The following SMC1A variants were observed in gnomAD, a reference collection of about 807,000 sequenced individuals.
SMC1A encodes structural maintenance of chromosomes 1A, also known as structural maintenance of chromosomes protein 1A.
SMC1A carries 4 observed loss-of-function variants against 94.5 expected under a neutral mutation model. The observed-to-expected ratio is 0.04, with a 90% CI of 0.02 to 0.10. The LOEUF is 0.10. Among genes scored for constraint, SMC1A ranks in the 10% least tolerant of loss-of-function variants. The pLI is 1.00. For missense variants in SMC1A, 304 were observed against 989.0 expected (o/e 0.31, Z 9.29); for synonymous variants, 345 against 347.7 (o/e 0.99, Z 0.09).
chrX:53,396,603 G>A lies in SMC1A; in HGVS notation c.2577C>T (p.His859=). ...IEKLKKEEQR[H]MKIIDETMAQ... is the part of the protein sequence containing the mutation. ...CCATGGTCTCATCTATGATCTTCAT[G>A]TGTCTTTGTTCCTCCTGGTCCCAGC... Residue 859 remains histidine (H), a synonymous_variant, in exon 17 of 25, where the codon CAC becomes CAT. Transcript: ENST00000322213. 8.3e-7 allele frequency: 1 copy of A among 1,208,891 alleles called. No individual in the cohort carries two copies. The highest frequency in any genetic ancestry group is 1.1e-6 in the Non-Finnish European group (1 of 895,066).
In SMC1A at chrX:53,410,926, CA is replaced by C. The variant is rs56669032; in HGVS notation, c.1254+834del. ...TGGGCAACAGAGTGAGGCTTTGTCT[CA>C]AAAAAAAAAAAAAAAAAAGTAGCCA... On this transcript the variant is annotated intron_variant, in intron 7 of 24. Transcript: ENST00000322213. Among the ~76,000 whole-genome samples the C allele has an allele frequency of 4.5e-4, 13 of 28,814 alleles. 3 individuals carry two copies. Among genetic ancestry groups the C allele is most frequent in the East Asian group, 4.1e-3 (3 of 732 alleles). 25.0% of individuals were successfully genotyped at this position (28,814 alleles called of 115,157 possible).
chrX:53,395,428 C>G (rs2075647323), intron 18 of SMC1A, among the ~76,000 whole-genome samples: 1 of 112,370 alleles, frequency 8.9e-6, no homozygotes, highest in Admixed American at 9.5e-5. Context: ...ATTCTCAGAT[C>G]CTGAGTCTCT....
intron 1 of SMC1A, among the ~76,000 whole-genome samples, chrX:53,419,548 A>G (rs2075746154): frequency 9.3e-6 from 1 of 108,096 alleles, no homozygotes; most frequent in Non-Finnish European, 1.9e-5. Flanking sequence ...AAAATAGGCC[A>G]GGCGCGGTGG....
Position 53,403,818 on chromosome X carries a change from G to T in SMC1A, c.2272C>A (p.Arg758=). 8.3e-7 allele frequency: 1 copy of T among 1,209,981 alleles called. No homozygotes were observed. Among genetic ancestry groups the T allele is most frequent in the Non-Finnish European group, 1.1e-6 (1 of 894,438 alleles). ...TTCAAGTCTTTCATTTCCCTCTCTC[G>T]GCTCTGAATGATCCTCTTGATATCA... ...INDIKRIIQS[R]EREMKDLKEK... Residue 758 remains arginine (R), a synonymous_variant, in exon 14 of 25, where the codon CGA becomes AGA. Coordinates refer to ENST00000322213, the MANE Select transcript of SMC1A (RefSeq NM_006306.4).
chrX:53,416,670 A>G lies in SMC1A; in HGVS notation c.110-1501T>C, dbSNP rs782410943. On this transcript the variant is annotated intron_variant, in intron 1 of 24. Transcript: ENST00000322213. Reference sequence around the variant, plus strand: ...CTCCCAAAGTGCTGGGATTACAGGCATGAGCCACCACGCCTGGCCTGGGAG... The same window carrying G: ...CTCCCAAAGTGCTGGGATTACAGGCGTGAGCCACCACGCCTGGCCTGGGAG... 4.0e-4 allele frequency among the ~76,000 whole-genome samples: 44 copies of G among 111,005 alleles called. No individual in the cohort carries two copies. The East Asian group carries it at 0.012, about 31-fold the overall frequency.
chrX:53,394,152 CAAAAAAA>C (rs55878070), intron 19 of SMC1A, among the ~76,000 whole-genome samples: 2 of 42,758 alleles, frequency 4.7e-5, no homozygotes, highest in East Asian at 1.5e-3. Flanking sequence ...AACTCCGTCT[CAAAAAAA>C]AAAAAAAAAA....
intron 19 of SMC1A, among the ~76,000 whole-genome samples, chrX:53,391,096 A>C (rs2146589808): frequency 9.3e-6 from 1 of 107,230 alleles, no homozygotes; most frequent in South Asian, 4.2e-4. Flanking sequence ...GGGGGATCAC[A>C]TGAGGTCAGG....
At position 53,379,878 on chromosome X, in the gene SMC1A, C is replaced by T; in HGVS notation, c.*225G>A. ...GTGATGAACAGATGGCCCTGTTCAGCTCAGCACCTCCTTTCAGAGGCCAGA... is the reference window on the plus strand; with the variant it reads ...GTGATGAACAGATGGCCCTGTTCAGTTCAGCACCTCCTTTCAGAGGCCAGA... On this transcript the variant is annotated 3_prime_UTR_variant, in exon 25 of 25. Coordinates refer to ENST00000322213, the MANE Select transcript of SMC1A (RefSeq NM_006306.4). The T allele has an allele frequency of 2.3e-6, 1 of 443,920 alleles. No individual in the cohort carries two copies. Among genetic ancestry groups the T allele is most frequent in the South Asian group, 3.3e-5 (1 of 30,609 alleles). 36.6% of individuals were successfully genotyped at this position (443,920 alleles called of 1,213,427 possible). A position where few individuals can be genotyped will look rare whatever the true frequency, so the allele number is the denominator to read the frequency against.
rs2075557556 is a variant in SMC1A, at chrX:53,375,669, G to A, written c.*4434C>T. ...GCAGTGAGAGACCACACAGCACACA[G>A]AATGTCTAACTAACTTGAGGAATTC... On this transcript the variant is annotated 3_prime_UTR_variant, in exon 25 of 25. Transcript: ENST00000322213. 9.0e-6 allele frequency: 1 copy of A among 111,389 alleles called. No homozygotes were observed. Among genetic ancestry groups the A allele is most frequent in the Non-Finnish European group, 1.9e-5 (1 of 53,064 alleles). The allele number at this position is 111,389 out of a possible 1,213,427, so 9.2% of individuals were successfully genotyped here. A position where few individuals can be genotyped will look rare whatever the true frequency, so the allele number is the denominator to read the frequency against.
intron 1 of SMC1A, among the ~76,000 whole-genome samples, chrX:53,415,827 TC>T (rs1244841652): frequency 3.2e-4 from 3 of 9,277 alleles, no homozygotes; most frequent in Non-Finnish European, 1.2e-3. Context: ...AACAAGACTC[TC>T]TTTAAAAAAA....
intron 19 of SMC1A, among the ~76,000 whole-genome samples, chrX:53,389,777 A>G (rs2075620037): frequency 9.1e-6 from 1 of 110,151 alleles, no homozygotes; most frequent in Admixed American, 9.7e-5. Context: ...TATTTTTAAG[A>G]ATTCCTATCT....
At chrX:53,410,196 TTAA>T (rs1475389746) in intron 7 of SMC1A, among the ~76,000 whole-genome samples, 1 of 111,536 alleles carries the variant, frequency 9.0e-6, no homozygotes, top group African/African-American at 3.3e-5. Flanking sequence ...GTTCTGATAC[TTAA>T]TAGTTATGTG....
At chrX:53,415,204 T>C (rs1556891117) in intron 1 of SMC1A, 35 bp from the exon 2 acceptor site, 1 of 1,127,887 alleles carries the variant, frequency 8.9e-7, no homozygotes, top group African/African-American at 1.8e-5. Flanking sequence ...AGAGGGAAAG[T>C]CAGGATGAAG....
chrX:53,422,342 G>A, intron 1 of SMC1A, 150 bp downstream of exon 1: 1 of 487,180 alleles, frequency 2.1e-6, no homozygotes, highest in Non-Finnish European at 3.6e-6. Flanking sequence ...CGCGGGGAGA[G>A]TGGGTTCGAG....
intron 1 of SMC1A, among the ~76,000 whole-genome samples, chrX:53,419,988 TCTTACTTTCA>T (rs1653824568): frequency 9.1e-6 from 1 of 110,443 alleles, no homozygotes; most frequent in Non-Finnish European, 1.9e-5. Flanking sequence ...CAGGTTCTAA[TCTTACTTTCA>T]CTACCACTTA....
At position 53,374,394 on chromosome X, in the gene SMC1A, CTTCT is replaced by C. The variant is rs1478930570; in HGVS notation, c.*5705_*5708del. The C allele has an allele frequency of 1.8e-5, 2 of 111,898 alleles. No homozygotes were observed. The highest frequency in any genetic ancestry group is 3.3e-5 in the African/African-American group (1 of 30,697). 9.2% of individuals were successfully genotyped at this position (111,898 alleles called of 1,213,427 possible). A position where few individuals can be genotyped will look rare whatever the true frequency, so the allele number is the denominator to read the frequency against. On this transcript the variant is annotated 3_prime_UTR_variant, in exon 25 of 25. Transcript: ENST00000322213. Reference sequence around the variant, plus strand: ...TACTCCTCCTACTGCTACTGACTAACTTCTTTCTGCCCCCCTCGATGCTAGCCCA... The same window carrying C: ...TACTCCTCCTACTGCTACTGACTAACTTCTGCCCCCCTCGATGCTAGCCCA...
intron 19 of SMC1A, among the ~76,000 whole-genome samples, chrX:53,394,138 G>C (rs1462936652): frequency 1.2e-5 from 1 of 80,741 alleles, no homozygotes; most frequent in African/African-American, 5.2e-5. Flanking sequence ...GGCAACAAGA[G>C]TGAAACTCCG....
chrX:53,394,987 T>C, intron 18 of SMC1A, 99 bp from the exon 19 acceptor site: 1 of 548,564 alleles, frequency 1.8e-6, no homozygotes, highest in South Asian at 2.4e-5. Flanking sequence ...GAAAGCACCT[T>C]GCTAGAAAGC....
Position 53,399,641 on chromosome X carries a change from A to G in SMC1A, c.2510T>C (p.Met837Thr), listed in dbSNP as rs1556888566. The change falls in exon 16 of 25, where the codon ATG (methionine) becomes ACG (threonine). Residue 837 changes from methionine (M) to threonine (T), a missense_variant. Coordinates refer to ENST00000322213, the MANE Select transcript of SMC1A (RefSeq NM_006306.4). ...ATCTTTTTTCACTGTCTGCTCCCAC[A>G]TGTGTACTTTATCTTGGTCCTCCTT... is the stretch of plus-strand genomic sequence containing the variant. ...QLKEDQDKVH[M>T]WEQTVKKDEN... is the part of the protein sequence containing the mutation. 8.3e-7 allele frequency: 1 copy of G among 1,207,337 alleles called. No individual in the cohort carries two copies. Among genetic ancestry groups the G allele is most frequent in the South Asian group, 1.8e-5 (1 of 56,877 alleles).
Sources: allele counts gnomAD v4.1 joint callset (sites outside exome capture counted in the v4.1 genomes callset), GRCh38; gene constraint gnomAD v4.1.1; transcripts MANE v1.5; gene names NCBI Gene and HGNC (gene_info 2026-07-23, HGNC 2026-07-21).